Variants in ATG4C observed in about 807,000 individuals in gnomAD.
The protein encoded by ATG4C is cysteine protease ATG4C.
A neutral mutation model predicts 57.6 loss-of-function variants in ATG4C; 56 were observed. The observed-to-expected ratio is 0.97, with a 90% confidence interval of 0.78 to 1.21. The LOEUF is 1.21. Among genes scored for constraint, ATG4C ranks in the 50% most tolerant of loss-of-function variants. The pLI, the probability that ATG4C is intolerant of heterozygous loss-of-function variation, is 0.00. For missense variants in ATG4C, 595 were observed against 529.8 expected (o/e 1.12, Z -1.21); for synonymous variants, 157 against 174.1 (o/e 0.90, Z 0.78).
intron 3 of ATG4C, among the ~76,000 whole-genome samples, chr1:62,808,991 G>A (rs1342589909): frequency 1.3e-5 from 2 of 152,160 alleles, no homozygotes; most frequent in African/African-American, 4.8e-5. Context: ...GTGCAACAGT[G>A]TCCCAATCAC....
At chr1:62,848,878 T>C (rs999068322) in intron 10 of ATG4C, among the ~76,000 whole-genome samples, 9 of 152,232 alleles carry the variant, frequency 5.9e-5, no homozygotes, top group African/African-American at 1.9e-4. Flanking sequence ...CAGTTAATCA[T>C]CTTTTTTGAT....
At chr1:62,830,256 A>G (rs1665798267) in intron 7 of ATG4C, among the ~76,000 whole-genome samples, 1 of 152,104 alleles carries the variant, frequency 6.6e-6, no homozygotes, top group Non-Finnish European at 1.5e-5. Context: ...TCTGACATGT[A>G]TCTTTAGTAG....
intron 7 of ATG4C, among the ~76,000 whole-genome samples, chr1:62,832,286 C>T (rs1665866865): frequency 1.3e-5 from 2 of 152,100 alleles, no homozygotes; most frequent in African/African-American, 2.4e-5. Flanking sequence ...CAAGGTTGTT[C>T]TTTAGAGGGT....
rs774696160 is a variant in ATG4C, at chr1:62,816,566, A to AT, written c.161-3dup. ...CTGGTTATCTTTAGACCGTATGTTT[A>AT]TTTTTTAGATGAAGATAAAACGTTA... is the stretch of plus-strand genomic sequence containing the variant. On this transcript the variant is annotated splice_polypyrimidine_tract_variant and intron_variant, in intron 3 of 10. Transcript: ENST00000317868. 6.3e-7 allele frequency: 1 copy of AT among 1,588,136 alleles called. No homozygotes were observed. Among genetic ancestry groups the AT allele is most frequent in the South Asian group, 1.2e-5 (1 of 86,838 alleles).
In ATG4C at chr1:62,865,406, G is replaced by A. The variant is rs1357232490; in HGVS notation, c.*1247G>A. The A allele has an allele frequency of 2.6e-5, 4 of 151,996 alleles. No individual in the cohort carries two copies. Among genetic ancestry groups the A allele is most frequent in the African/African-American group, 9.6e-5 (4 of 41,538 alleles). 9.4% of individuals were successfully genotyped at this position (151,996 alleles called of 1,614,324 possible). ...TTTGTTTAGAGTTGCATGTAAAGCT[G>A]AAAGAGAGGGTGGGCGGATTGTTTT... On this transcript the variant is annotated 3_prime_UTR_variant, in exon 11 of 11. Transcript: ENST00000317868.
chr1:62,818,921 C>A (rs1665378358), intron 4 of ATG4C, 84 bp from the exon 5 acceptor site: 1 of 1,131,854 alleles, frequency 8.8e-7, no homozygotes, highest in Non-Finnish European at 1.2e-6. Flanking sequence ...CCCAAATGAC[C>A]TTAAATGCTA....
intron 1 of ATG4C, among the ~76,000 whole-genome samples, chr1:62,796,119 A>G (rs927789497): frequency 6.8e-6 from 1 of 146,324 alleles, no homozygotes; most frequent in African/African-American, 2.5e-5. Context: ...TGGCTAAATT[A>G]TTACTTTTCT....
At chr1:62,848,877 A>C (rs1306538060) in intron 10 of ATG4C, among the ~76,000 whole-genome samples, 2 of 152,204 alleles carry the variant, frequency 1.3e-5, no homozygotes, top group Non-Finnish European at 2.9e-5. Flanking sequence ...ACAGTTAATC[A>C]TCTTTTTTGA....
At chr1:62,839,196 C>T (rs1305324353) in intron 9 of ATG4C, among the ~76,000 whole-genome samples, 1 of 152,168 alleles carries the variant, frequency 6.6e-6, no homozygotes, top group Non-Finnish European at 1.5e-5. Flanking sequence ...GTAGCTGGGA[C>T]TATAGGTGAA....
intron 7 of ATG4C, among the ~76,000 whole-genome samples, chr1:62,833,333 C>T (rs1338617682): frequency 1.3e-5 from 2 of 152,032 alleles, no homozygotes; most frequent in Non-Finnish European, 2.9e-5. Flanking sequence ...TAAACTTACT[C>T]AATTGGACAT....
chr1:62,826,363 G>A (rs961759351), intron 6 of ATG4C, among the ~76,000 whole-genome samples: 2 of 151,178 alleles, frequency 1.3e-5, no homozygotes, highest in Non-Finnish European at 2.9e-5. Context: ...AGCCTCCCCA[G>A]TAGCTGGAAC....
intron 1 of ATG4C, among the ~76,000 whole-genome samples, chr1:62,787,949 G>C (rs1206042742): frequency 6.6e-6 from 1 of 151,814 alleles, no homozygotes; most frequent in Non-Finnish European, 1.5e-5. Context: ...AACTCAATTT[G>C]AGAAAAAAAA....
chr1:62,849,158 C>T (rs950079066), intron 10 of ATG4C, among the ~76,000 whole-genome samples: 5 of 152,028 alleles, frequency 3.3e-5, no homozygotes, highest in South Asian at 2.1e-4. Context: ...TGATGTCTGC[C>T]GCCTGCCAGG....
intron 10 of ATG4C, among the ~76,000 whole-genome samples, chr1:62,854,153 TA>T (rs947706716): frequency 1.3e-4 from 20 of 151,834 alleles, no homozygotes; most frequent in Non-Finnish European, 2.4e-4. Context: ...AAATTAATTA[TA>T]GTAATTTTTA....
intron 10 of ATG4C, among the ~76,000 whole-genome samples, chr1:62,850,901 TAC>T (rs1380894338): frequency 0.02 from 1,037 of 51,078 alleles, 23 homozygotes; most frequent in African/African-American, 0.063. Context: ...TATATATATA[TAC>T]ATACACATAC....
intron 1 of ATG4C, among the ~76,000 whole-genome samples, chr1:62,796,325 A>G (rs1313291470): frequency 6.6e-6 from 1 of 151,252 alleles, no homozygotes; most frequent in African/African-American, 2.4e-5. Context: ...CAAAGCATTA[A>G]TTTATTACTT....
At chr1:62,825,469 G>A (rs1177585545) in intron 6 of ATG4C, among the ~76,000 whole-genome samples, 1 of 151,974 alleles carries the variant, frequency 6.6e-6, no homozygotes, top group Non-Finnish European at 1.5e-5. Flanking sequence ...CTCCTTCACA[G>A]CCTGGTTTGT....
intron 10 of ATG4C, among the ~76,000 whole-genome samples, chr1:62,845,837 G>C (rs1308025837): frequency 6.6e-6 from 1 of 152,100 alleles, no homozygotes; most frequent in Non-Finnish European, 1.5e-5. Flanking sequence ...TAGAAGCTGG[G>C]ATTACAGGTG....
In ATG4C at chr1:62,865,136, T is replaced by TA. The variant is rs1206972075; in HGVS notation, c.*980dup. 6.6e-6 allele frequency: 1 copy of TA among 151,936 alleles called. No individual in the cohort carries two copies. The highest frequency in any genetic ancestry group is 2.4e-5 in the African/African-American group (1 of 41,438). The allele number at this position is 151,936 out of a possible 1,614,324, so 9.4% of individuals were successfully genotyped here. ...TGAGCTAGGATTATAAAATACATAA[T>TA]AAAGATGTGAGAAGATAAAATGCTT... On this transcript the variant is annotated 3_prime_UTR_variant, in exon 11 of 11. Transcript: ENST00000317868.
Sources: gnomAD v4.1 joint callset for allele counts (sites outside exome capture counted in the v4.1 genomes callset) on GRCh38, gnomAD v4.1.1 for gene constraint, MANE v1.5 for transcripts, NCBI Gene and HGNC (gene_info 2026-07-23, HGNC 2026-07-21) for gene names.